The following KDM4C variants were observed in gnomAD, a reference collection of about 807,000 sequenced individuals.
KDM4C encodes lysine demethylase 4C.
Under a neutral mutation model 129.3 loss-of-function variants are expected in KDM4C, and 81 were observed. The ratio of observed to expected loss-of-function variants is 0.63; its 90% CI spans 0.52 to 0.75. KDM4C has a LOEUF of 0.75. KDM4C is among the 30% of genes least tolerant of loss of function. The probability of loss-of-function intolerance (pLI) is 0.00; values close to 1 mark genes in which losing one functional copy is unlikely to be tolerated. For synonymous variants in KDM4C, 573 were observed against 456.1 expected (o/e 1.26, Z -3.26); for missense variants, 1,457 against 1,304.0 (o/e 1.12, Z -1.81).
At chr9:7,109,102 A>G (rs1036833346) in intron 18 of KDM4C, among the ~76,000 whole-genome samples, 2 of 152,206 alleles carry the variant, frequency 1.3e-5, no homozygotes, top group Non-Finnish European at 2.9e-5. Context: ...AATGCAGCCT[A>G]TCATAACAAA....
Position 6,811,380 on chromosome 9 carries a change from C to A in KDM4C, c.321-3251C>A, listed in dbSNP as rs775841594. Among the ~76,000 whole-genome samples, 43 of 152,190 alleles carry A rather than the reference C, an allele frequency of 2.8e-4. 1 individual carries two copies. Among genetic ancestry groups the A allele is most frequent in the Admixed American group, 1.3e-4 (2 of 15,286 alleles). ...ATGTTGGCCAGGCTGGTCTCTAACTCCTGACCTCTGATCCGCCCACCTCGG... is the reference window on the plus strand; with the variant it reads ...ATGTTGGCCAGGCTGGTCTCTAACTACTGACCTCTGATCCGCCCACCTCGG... On this transcript the variant is annotated intron_variant, in intron 3 of 21. Coordinates refer to ENST00000381309, the MANE Select transcript of KDM4C (RefSeq NM_015061.6).
intron 6 of KDM4C, among the ~76,000 whole-genome samples, chr9:6,887,038 C>T (rs938254664): frequency 6.6e-6 from 1 of 152,250 alleles, no homozygotes; most frequent in African/African-American, 2.4e-5. Context: ...ACGCCTCATC[C>T]TGTCACACAT....
intron 5 of KDM4C, among the ~76,000 whole-genome samples, chr9:6,855,819 A>G (rs764129808): frequency 3.3e-4 from 51 of 152,242 alleles, no homozygotes; most frequent in African/African-American, 1.1e-3. Context: ...AGCTTGTTTA[A>G]TGTACATCTC....
chr9:6,870,387 T>C (rs1842665973), intron 5 of KDM4C, among the ~76,000 whole-genome samples: 1 of 151,952 alleles, frequency 6.6e-6, no homozygotes, highest in Admixed American at 6.5e-5. Context: ...TCTTGTACTT[T>C]GGAGTTAAGA....
At chr9:6,859,358 C>T (rs1840501650) in intron 5 of KDM4C, among the ~76,000 whole-genome samples, 1 of 151,540 alleles carries the variant, frequency 6.6e-6, no homozygotes, top group African/African-American at 2.4e-5. Flanking sequence ...GCCTGTAGTC[C>T]CAGCTACTCG....
At chr9:7,012,527 G>A (rs185648838) in intron 13 of KDM4C, among the ~76,000 whole-genome samples, 128 of 152,146 alleles carry the variant, frequency 8.4e-4, no homozygotes, top group Non-Finnish European at 9.9e-4. Context: ...GTCAGCCCTA[G>A]GTCCAAATTT....
chr9:6,833,999 G>C (rs1172028962), intron 4 of KDM4C, among the ~76,000 whole-genome samples: 1 of 150,966 alleles, frequency 6.6e-6, no homozygotes, highest in Non-Finnish European at 1.5e-5. Context: ...CGTGTGTGGT[G>C]CCAGGACAGA....
At chr9:7,156,534 G>T (rs1424138368) in intron 19 of KDM4C, among the ~76,000 whole-genome samples, 1 of 152,130 alleles carries the variant, frequency 6.6e-6, no homozygotes, top group African/African-American at 2.4e-5. Flanking sequence ...TTTATATAAG[G>T]TGTAAGGAAG....
chr9:7,038,314 A>G (rs1433268690), intron 15 of KDM4C, among the ~76,000 whole-genome samples: 2 of 152,066 alleles, frequency 1.3e-5, no homozygotes, highest in African/African-American at 4.8e-5. Flanking sequence ...TTCATTTTTT[A>G]CAGAAAACTA....
At chr9:6,980,285 A>G (rs570650580) in intron 8 of KDM4C, among the ~76,000 whole-genome samples, 3 of 152,326 alleles carry the variant, frequency 2.0e-5, no homozygotes, top group African/African-American at 7.2e-5. Context: ...TTAAAGGCAT[A>G]GTAGATTCAA....
chr9:6,854,170 G>C (rs1839340719), intron 5 of KDM4C, among the ~76,000 whole-genome samples: 1 of 152,094 alleles, frequency 6.6e-6, no homozygotes, highest in Non-Finnish European at 1.5e-5. Context: ...TTAACTGCTA[G>C]AGGATATAGA....
intron 15 of KDM4C, among the ~76,000 whole-genome samples, chr9:7,016,171 A>G (rs1363516126): frequency 6.7e-6 from 1 of 149,746 alleles, no homozygotes; most frequent in Admixed American, 6.7e-5. Context: ...TCTGTCGCCC[A>G]GGCTAGAGTG....
chr9:6,864,024 A>G (rs1841476307), intron 5 of KDM4C, among the ~76,000 whole-genome samples: 1 of 152,160 alleles, frequency 6.6e-6, no homozygotes, highest in Non-Finnish European at 1.5e-5. Context: ...ATCAAACCAT[A>G]TCAATACCAC....
chr9:7,136,023 C>T (rs769959397), intron 19 of KDM4C, among the ~76,000 whole-genome samples: 7 of 152,236 alleles, frequency 4.6e-5, no homozygotes, highest in Admixed American at 6.5e-5. Context: ...ACAGTAAATT[C>T]GGGGAATGAA....
rs554916585 is a variant in KDM4C, at chr9:6,938,662, A to G, written c.922-42263A>G. On this transcript the variant is annotated intron_variant, in intron 8 of 21. Coordinates refer to ENST00000381309, the MANE Select transcript of KDM4C (RefSeq NM_015061.6). ...CACAAGATTCCAAATCACTCCAGCA[A>G]TGCAGAGCCTTTTGAAGAGTTGTGT... is the stretch of plus-strand genomic sequence containing the variant. Among the ~76,000 whole-genome samples, 6 of 152,286 alleles carry G rather than the reference A, an allele frequency of 3.9e-5. No homozygotes were observed. The East Asian group carries it at 9.6e-4, about 24-fold the overall frequency.
intron 12 of KDM4C, among the ~76,000 whole-genome samples, chr9:7,005,291 C>T (rs148661391): frequency 0.047 from 7,209 of 151,954 alleles, 334 homozygotes; most frequent in East Asian, 0.26. Flanking sequence ...CAAAGTTAGC[C>T]GGGCGTGGTG....
chr9:6,933,857 TA>T (rs2131330748), intron 8 of KDM4C, among the ~76,000 whole-genome samples: 1 of 149,504 alleles, frequency 6.7e-6, no homozygotes, highest in South Asian at 2.2e-4. Flanking sequence ...TTTATTTATT[TA>T]TTTTTTTTTG....
At chr9:6,756,347 G>T (rs541434955), upstream of KDM4C, among the ~76,000 whole-genome samples, 1 of 152,234 alleles carries the variant, frequency 6.6e-6, no homozygotes, top group Non-Finnish European at 1.5e-5. Flanking sequence ...CAATTTACTT[G>T]TAAGGATGGT....
intron 8 of KDM4C, among the ~76,000 whole-genome samples, chr9:6,950,224 A>G (rs757640305): frequency 3.9e-5 from 6 of 152,146 alleles, no homozygotes; most frequent in Non-Finnish European, 7.4e-5. Flanking sequence ...TGAACCTTAA[A>G]TTCTCCTTTC....
Sources: gnomAD v4.1 joint callset for allele counts (sites outside exome capture counted in the v4.1 genomes callset) on GRCh38, gnomAD v4.1.1 for gene constraint, MANE v1.5 for transcripts, NCBI Gene and HGNC (gene_info 2026-07-23, HGNC 2026-07-21) for gene names.